Variants in TTC23L observed in about 807,000 individuals in gnomAD.
The protein encoded by TTC23L is tetratricopeptide repeat domain 23 like.
In TTC23L, 42 loss-of-function variants were observed where a neutral mutation model predicts 48.1. That is an observed-to-expected ratio of 0.87 (90% CI 0.68 to 1.13). The LOEUF is 1.13. TTC23L is among the 50% of genes most tolerant of loss of function. The pLI is 0.00. For missense variants in TTC23L, 391 were observed against 421.0 expected (o/e 0.93, Z 0.62); for synonymous variants, 159 against 157.2 (o/e 1.01, Z -0.09).
At chr5:34,901,223 C>T (rs187977092), downstream of TTC23L, among the ~76,000 whole-genome samples, 139 of 149,718 alleles carry the variant, frequency 9.3e-4, 2 homozygotes, top group African/African-American at 2.9e-3. Flanking sequence ...TCAAAAAACT[C>T]CAAAAAAAAA....
chr5:34,854,061 A>G (rs1250948090), intron 4 of TTC23L, among the ~76,000 whole-genome samples: 2 of 152,216 alleles, frequency 1.3e-5, no homozygotes, highest in Non-Finnish European at 1.5e-5. Flanking sequence ...ACTGCCTTTG[A>G]GTTTTACTTT....
At chr5:34,854,628 G>A (rs182069055) in intron 4 of TTC23L, among the ~76,000 whole-genome samples, 61 of 152,210 alleles carry the variant, frequency 4.0e-4, no homozygotes, top group African/African-American at 1.3e-3. Context: ...GTCTGTGTGC[G>A]TTCATGCCTC....
intron 1 of TTC23L, among the ~76,000 whole-genome samples, chr5:34,840,080 C>CG (rs1180858158): frequency 3.9e-5 from 6 of 152,158 alleles, no homozygotes; most frequent in Admixed American, 3.9e-4. Flanking sequence ...TTAGTAGAGA[C>CG]GGGGTTTCAC....
chr5:34,877,764 T>C (rs1761959428), intron 8 of TTC23L, among the ~76,000 whole-genome samples: 1 of 152,156 alleles, frequency 6.6e-6, no homozygotes, highest in African/African-American at 2.4e-5. Context: ...GAAGCTTTTC[T>C]AAGACTGGGA....
intron 6 of TTC23L, among the ~76,000 whole-genome samples, chr5:34,866,205 G>A (rs1185300364): frequency 2.6e-5 from 4 of 152,286 alleles, no homozygotes; most frequent in South Asian, 2.1e-4. Flanking sequence ...CGAATAAGCC[G>A]ATTGTGATAC....
chr5:34,850,139 A>G, intron 3 of TTC23L, 46 bp from the exon 4 acceptor site: 2 of 1,608,158 alleles, frequency 1.2e-6, no homozygotes, highest in Non-Finnish European at 8.5e-7. Context: ...TGGGGTAGAG[A>G]CTTCTCTTCC....
At chr5:34,915,438 C>A in the TTC23L span, 2 of 325,172 alleles carry the variant, frequency 6.2e-6, no homozygotes, top group East Asian at 1.2e-4. Flanking sequence ...GTCTGGACGC[C>A]CGAGAGCCCT....
chr5:34,922,418 T>C, the TTC23L span: 43 of 895,276 alleles, frequency 4.8e-5, no homozygotes, highest in South Asian at 6.5e-4. Flanking sequence ...TTCACGAAAC[T>C]TGATACCTTT....
chr5:34,921,320 C>G, the TTC23L span: 2 of 152,106 alleles, frequency 1.3e-5, no homozygotes, highest in Non-Finnish European at 2.9e-5. Context: ...GTTTGATATA[C>G]TTAGGCTTTT....
chr5:34,854,099 A>G (rs908431156), intron 4 of TTC23L, among the ~76,000 whole-genome samples: 5 of 152,238 alleles, frequency 3.3e-5, no homozygotes, highest in African/African-American at 1.2e-4. Context: ...TTAAGTCAAG[A>G]TAAGTGAACA....
chr5:34,850,697 G>A (rs1338644480), intron 4 of TTC23L, among the ~76,000 whole-genome samples: 1 of 152,064 alleles, frequency 6.6e-6, no homozygotes, highest in African/African-American at 2.4e-5. Context: ...GCATCAGGGA[G>A]GCAGACCCAA....
the TTC23L span, among the ~76,000 whole-genome samples, chr5:34,905,005 T>A: frequency 6.6e-6 from 1 of 152,214 alleles, no homozygotes; most frequent in Non-Finnish European, 1.5e-5. Context: ...TTTCACACAT[T>A]TACTCTGCTG....
chr5:34,915,273 G>A, the TTC23L span: 2 of 280,028 alleles, frequency 7.1e-6, no homozygotes, highest in Non-Finnish European at 6.8e-6. Context: ...CACCAGCCCC[G>A]CCTCCAACAA....
the TTC23L span, chr5:34,909,137 A>G: frequency 2.2e-6 from 2 of 924,492 alleles, no homozygotes; most frequent in African/African-American, 3.4e-5. Context: ...GCACTCTACT[A>G]TTCATTTTTA....
chr5:34,859,912 C>T (rs1388488151), intron 4 of TTC23L, among the ~76,000 whole-genome samples: 3 of 136,620 alleles, frequency 2.2e-5, no homozygotes, highest in East Asian at 2.2e-4. Flanking sequence ...AGCGTGATCT[C>T]GGCTCACTGC....
the TTC23L span, among the ~76,000 whole-genome samples, chr5:34,912,830 T>C: frequency 1.3e-5 from 2 of 152,084 alleles, no homozygotes; most frequent in African/African-American, 4.8e-5. Context: ...TGAAACCCCA[T>C]CTCTACTAAA....
the TTC23L span, among the ~76,000 whole-genome samples, chr5:34,916,924 C>G: frequency 3.2e-4 from 46 of 142,394 alleles, no homozygotes; most frequent in Non-Finnish European, 5.4e-4. Flanking sequence ...TTGTACACTT[C>G]CAGTAAATGT....
the TTC23L span, chr5:34,914,422 C>T: frequency 2.3e-6 from 1 of 432,568 alleles, no homozygotes; most frequent in Non-Finnish European, 4.2e-6. Flanking sequence ...GTAGCCTAGC[C>T]AATAGCCTAG....
intron 7 of TTC23L, chr5:34,867,564 C>G (rs1348880163): frequency 6.2e-6 from 1 of 161,472 alleles, no homozygotes; most frequent in East Asian, 1.8e-4. Flanking sequence ...GACAAATGCC[C>G]GGGGGAAAAC....
Sources: allele counts gnomAD v4.1 joint callset (sites outside exome capture counted in the v4.1 genomes callset), GRCh38; gene constraint gnomAD v4.1.1; transcripts MANE v1.5; gene names NCBI Gene and HGNC (gene_info 2026-07-23, HGNC 2026-07-21).